NKAIN2: variants seen among roughly 807,000 people sequenced by gnomAD.
NKAIN2 encodes the protein sodium/potassium-transporting ATPase subunit beta-1-interacting protein 2.
Under a neutral mutation model 32.6 loss-of-function variants are expected in NKAIN2, and 14 were observed. The ratio of observed to expected loss-of-function variants is 0.43; its 90% CI spans 0.28 to 0.67. The LOEUF is 0.67. Among genes scored for constraint, NKAIN2 ranks in the 30% least tolerant of loss-of-function variants. The pLI, the probability that NKAIN2 is intolerant of heterozygous loss-of-function variation, is 0.17. For synonymous variants in NKAIN2, 80 were observed against 87.2 expected (o/e 0.92, Z 0.46); for missense variants, 198 against 258.3 (o/e 0.77, Z 1.60).
intron 3 of NKAIN2, among the ~76,000 whole-genome samples, chr6:124,471,947 C>G (rs943519274): frequency 2.0e-5 from 3 of 151,790 alleles, no homozygotes; most frequent in Non-Finnish European, 2.9e-5. Flanking sequence ...TTCTTCCTTC[C>G]TTGAATCTTT....
intron 1 of NKAIN2, among the ~76,000 whole-genome samples, chr6:124,054,569 G>A (rs1054773097): frequency 5.9e-5 from 9 of 152,022 alleles, no homozygotes; most frequent in African/African-American, 2.2e-4. Flanking sequence ...TAGGGAAATA[G>A]CACTTCCATG....
intron 1 of NKAIN2, among the ~76,000 whole-genome samples, chr6:124,185,656 T>C (rs1001881502): frequency 6.6e-6 from 1 of 152,180 alleles, no homozygotes; most frequent in African/African-American, 2.4e-5. Context: ...CTTCATGAAA[T>C]AGCATTTTGT....
intron 1 of NKAIN2, among the ~76,000 whole-genome samples, chr6:124,170,501 A>G (rs1016209932): frequency 2.0e-5 from 3 of 152,218 alleles, no homozygotes; most frequent in Non-Finnish European, 4.4e-5. Context: ...AAAATCATTA[A>G]ATGTAATGGC....
chr6:124,123,652 A>T (rs1002924499), intron 1 of NKAIN2, among the ~76,000 whole-genome samples: 5 of 152,112 alleles, frequency 3.3e-5, no homozygotes, highest in Non-Finnish European at 1.5e-5. Flanking sequence ...TTGGATGATG[A>T]CATAATAAAG....
chr6:123,890,640 A>G (rs1323861287), intron 1 of NKAIN2, among the ~76,000 whole-genome samples: 2 of 152,162 alleles, frequency 1.3e-5, no homozygotes, highest in Non-Finnish European at 2.9e-5. Flanking sequence ...GATGGCTATT[A>G]TTAACAAAAC....
chr6:124,475,859 C>A (rs1206839444), intron 3 of NKAIN2, among the ~76,000 whole-genome samples: 1 of 152,012 alleles, frequency 6.6e-6, no homozygotes, highest in Non-Finnish European at 1.5e-5. Context: ...TTGCTTTTCT[C>A]AAAATAAATA....
intron 4 of NKAIN2, among the ~76,000 whole-genome samples, chr6:124,694,491 TC>T (rs1774401731): frequency 6.6e-6 from 1 of 152,214 alleles, no homozygotes; most frequent in Admixed American, 6.5e-5. Flanking sequence ...CCCCATTGAA[TC>T]CATTTATTGT....
intron 1 of NKAIN2, among the ~76,000 whole-genome samples, chr6:124,267,412 G>A (rs1021724642): frequency 2.0e-5 from 3 of 151,280 alleles, no homozygotes; most frequent in African/African-American, 7.3e-5. Flanking sequence ...GGGATGCCAA[G>A]GTGGGTGGAT....
chr6:124,465,231 C>T (rs1166072777), intron 3 of NKAIN2, among the ~76,000 whole-genome samples: 1 of 151,536 alleles, frequency 6.6e-6, no homozygotes, highest in African/African-American at 2.4e-5. Flanking sequence ...TGGAACCAAC[C>T]CAAATGCCGA....
At chr6:124,493,174 C>T (rs186322061) in intron 3 of NKAIN2, among the ~76,000 whole-genome samples, 2 of 152,034 alleles carry the variant, frequency 1.3e-5, no homozygotes, top group African/African-American at 2.4e-5. Flanking sequence ...ATTAAATCTA[C>T]ACATTATGAT....
rs1411347875 is a variant in NKAIN2, at chr6:124,675,321, G to T, written c.474+16935G>T. 6.6e-5 allele frequency among the ~76,000 whole-genome samples: 10 copies of T among 151,934 alleles called. No homozygotes were observed. The South Asian group carries it at 1.7e-3, about 25-fold the overall frequency. On this transcript the variant is annotated intron_variant, in intron 4 of 6. Coordinates refer to ENST00000368417, the MANE Select transcript of NKAIN2 (RefSeq NM_001040214.3). ...AGTATTTGTTGAAGATGTAAACATC[G>T]ATGTTCATCAGGTATATTGACCTAT...
chr6:123,891,411 T>C (rs1291558678), intron 1 of NKAIN2, among the ~76,000 whole-genome samples: 1 of 152,172 alleles, frequency 6.6e-6, no homozygotes, highest in Non-Finnish European at 1.5e-5. Context: ...CATCACGAGC[T>C]TGGAAATAAG....
chr6:124,754,922 G>A (rs1034008538), intron 4 of NKAIN2, among the ~76,000 whole-genome samples: 1 of 152,016 alleles, frequency 6.6e-6, no homozygotes, highest in African/African-American at 2.4e-5. Flanking sequence ...AAGAAAATGT[G>A]GTACATTCAC....
intron 2 of NKAIN2, among the ~76,000 whole-genome samples, chr6:124,286,189 A>G (rs1347259644): frequency 1.3e-5 from 2 of 152,136 alleles, no homozygotes; most frequent in African/African-American, 4.8e-5. Flanking sequence ...TTAATTTTAA[A>G]TTGAACATTA....
At chr6:124,564,195 A>G (rs1345596238) in intron 3 of NKAIN2, among the ~76,000 whole-genome samples, 2 of 152,292 alleles carry the variant, frequency 1.3e-5, no homozygotes, top group South Asian at 4.1e-4. Flanking sequence ...AAACACGCCA[A>G]TCAGCGCTCT....
At chr6:124,550,152 C>A (rs558509478) in intron 3 of NKAIN2, among the ~76,000 whole-genome samples, 1 of 152,248 alleles carries the variant, frequency 6.6e-6, no homozygotes, top group Admixed American at 6.5e-5. Context: ...CATTTCTCTC[C>A]TGTTTATTTA....
At chr6:124,701,153 GCACACACACACACACACA>G (rs60670238) in intron 4 of NKAIN2, among the ~76,000 whole-genome samples, 1 of 132,030 alleles carries the variant, frequency 7.6e-6, no homozygotes, top group African/African-American at 2.7e-5. Context: ...ACACACACAC[GCACACACACACACACACA>G]CACACACCGG....
chr6:123,890,919 C>T (rs984193198), intron 1 of NKAIN2, among the ~76,000 whole-genome samples: 2 of 152,028 alleles, frequency 1.3e-5, no homozygotes, highest in East Asian at 1.9e-4. Flanking sequence ...CTCACAATAG[C>T]TAAATTTTGG....
chr6:124,150,611 T>A (rs1787664053), intron 1 of NKAIN2, among the ~76,000 whole-genome samples: 1 of 152,176 alleles, frequency 6.6e-6, no homozygotes, highest in Non-Finnish European at 1.5e-5. Flanking sequence ...TTAGGTTAAT[T>A]ATGATTTTTT....
Sources: allele counts gnomAD v4.1 joint callset (sites outside exome capture counted in the v4.1 genomes callset), GRCh38; gene constraint gnomAD v4.1.1; transcripts MANE v1.5; gene names NCBI Gene and HGNC (gene_info 2026-07-23, HGNC 2026-07-21).